ACVR1C: variants seen among roughly 807,000 people sequenced by gnomAD.
ACVR1C encodes activin A receptor type 1C, also known as activin receptor type-1C.
A neutral mutation model predicts 57.9 loss-of-function variants in ACVR1C; 23 were observed. The ratio of observed to expected loss-of-function variants is 0.40; its 90% confidence interval spans 0.29 to 0.56. ACVR1C has a LOEUF of 0.56. ACVR1C is among the 20% of genes least tolerant of loss of function. The pLI is 0.50. For synonymous variants in ACVR1C, 214 were observed against 215.3 expected, an observed-to-expected ratio of 0.99 and a Z score of 0.05; for missense variants, 480 against 607.9, an observed-to-expected ratio of 0.79 and a Z score of 2.21.
intron 1 of ACVR1C, among the ~76,000 whole-genome samples, chr2:157,593,879 A>T (rs1682008035): frequency 6.6e-6 from 1 of 152,222 alleles, no homozygotes; most frequent in Admixed American, 6.5e-5. Context: ...ATGAGCTTTC[A>T]ATAAAGATTC....
intron 2 of ACVR1C, among the ~76,000 whole-genome samples, chr2:157,577,986 T>C (rs1344981430): frequency 6.6e-6 from 1 of 152,212 alleles, no homozygotes; most frequent in Non-Finnish European, 1.5e-5. Flanking sequence ...CACTGCATCC[T>C]TGACTTCCTG....
chr2:157,540,400 G>A (rs1687596173), intron 7 of ACVR1C, among the ~76,000 whole-genome samples: 1 of 147,482 alleles, frequency 6.8e-6, no homozygotes, highest in Non-Finnish European at 1.5e-5. Context: ...CGCTCTTGTT[G>A]CCCAGGCTGG....
chr2:157,577,581 CTTTTG>C (rs1326214073), intron 2 of ACVR1C, among the ~76,000 whole-genome samples: 1 of 152,060 alleles, frequency 6.6e-6, no homozygotes, highest in Non-Finnish European at 1.5e-5. Context: ...TAAACTAACA[CTTTTG>C]TTTGTTTAAT....
chr2:157,618,033 A>T (rs1033214105), intron 1 of ACVR1C, among the ~76,000 whole-genome samples: 2 of 151,910 alleles, frequency 1.3e-5, no homozygotes, highest in Non-Finnish European at 2.9e-5. Context: ...ACAGATATAA[A>T]CTTTGATTTA....
At chr2:157,605,275 T>C (rs1682366830) in intron 1 of ACVR1C, among the ~76,000 whole-genome samples, 2 of 151,728 alleles carry the variant, frequency 1.3e-5, no homozygotes, top group Admixed American at 1.3e-4. Flanking sequence ...TACCACACTG[T>C]CTTAATTATT....
Position 157,621,340 on chromosome 2 carries a change from C to A in ACVR1C, c.73+7232G>T, listed in dbSNP as rs151207070. Among the ~76,000 whole-genome samples, 370 of 152,296 alleles carry A rather than the reference C, an allele frequency of 2.4e-3. 1 individual carries two copies. Among genetic ancestry groups the A allele is most frequent in the African/African-American group, 8.7e-3 (360 of 41,564 alleles). ...TGAATTCAAGGGGCACATCATGAGG[C>A]AATGGTAGCCCCTGAGAAGGAGCAA... On this transcript the variant is annotated intron_variant, in intron 1 of 8. Transcript: ENST00000243349.
At chr2:157,591,032 T>C (rs187505613) in intron 1 of ACVR1C, among the ~76,000 whole-genome samples, 5 of 152,130 alleles carry the variant, frequency 3.3e-5, no homozygotes, top group African/African-American at 9.6e-5. Flanking sequence ...TATAAAGACT[T>C]AGGGACTATC....
chr2:157,589,839 G>A (rs1276485222), intron 1 of ACVR1C, among the ~76,000 whole-genome samples: 1 of 151,884 alleles, frequency 6.6e-6, no homozygotes, highest in Non-Finnish European at 1.5e-5. Context: ...TAGACACATA[G>A]ACCAATGAAA....
chr2:157,580,217 G>A (rs1688757565), intron 2 of ACVR1C, among the ~76,000 whole-genome samples: 1 of 152,062 alleles, frequency 6.6e-6, no homozygotes, highest in Non-Finnish European at 1.5e-5. Flanking sequence ...TTTTATTTAT[G>A]TTATCTTTTA....
intron 3 of ACVR1C, among the ~76,000 whole-genome samples, chr2:157,555,617 G>T (rs1688082006): frequency 6.6e-6 from 1 of 152,150 alleles, no homozygotes; most frequent in Non-Finnish European, 1.5e-5. Flanking sequence ...CTCAGGGGGT[G>T]TCTATAGATT....
chr2:157,624,945 G>C (rs916431832), intron 1 of ACVR1C, among the ~76,000 whole-genome samples: 2 of 152,098 alleles, frequency 1.3e-5, no homozygotes, highest in East Asian at 3.8e-4. Context: ...ATACTAAAGA[G>C]GTATTCATTG....
intron 1 of ACVR1C, among the ~76,000 whole-genome samples, chr2:157,603,304 G>A (rs1356510308): frequency 1.3e-5 from 2 of 152,040 alleles, no homozygotes; most frequent in African/African-American, 4.8e-5. Flanking sequence ...TTGAGACAGG[G>A]TTACAACAGA....
chr2:157,627,915 T>C (rs1682932997), intron 1 of ACVR1C, among the ~76,000 whole-genome samples: 1 of 152,254 alleles, frequency 6.6e-6, no homozygotes. Context: ...CTATTTAGCC[T>C]ATCAAGGCAC....
intron 5 of ACVR1C, 44 bp downstream of exon 5, chr2:157,544,401 T>G (rs1330229351): frequency 6.5e-7 from 1 of 1,541,510 alleles, no homozygotes. Flanking sequence ...AGTACCTCTA[T>G]CCTCATATTC....
chr2:157,588,913 A>G (rs572998573), intron 1 of ACVR1C, among the ~76,000 whole-genome samples: 1 of 145,716 alleles, frequency 6.9e-6, no homozygotes, highest in Non-Finnish European at 1.5e-5. Context: ...GTACATGCTC[A>G]TACACACACA....
Position 157,532,829 on chromosome 2 carries a change from C to G in ACVR1C, c.*1089G>C, listed in dbSNP as rs1185686544. ...ATATTCTCAAAATATTTCCTTCCTT[C>G]CTCTTCCTTTTCTGTCTTTTCTTTC... On this transcript the variant is annotated 3_prime_UTR_variant, in exon 9 of 9. Transcript: ENST00000243349. 1 of 152,138 alleles carries G rather than the reference C, an allele frequency of 6.6e-6. No individual in the cohort carries two copies. Among genetic ancestry groups the G allele is most frequent in the Non-Finnish European group, 1.5e-5 (1 of 68,022 alleles). The allele number at this position is 152,138 out of a possible 1,614,324, so 9.4% of individuals were successfully genotyped here. A position where few individuals can be genotyped will look rare whatever the true frequency, so the allele number is the denominator to read the frequency against.
intron 1 of ACVR1C, among the ~76,000 whole-genome samples, chr2:157,623,007 G>C (rs1682816556): frequency 6.6e-6 from 1 of 152,042 alleles, no homozygotes; most frequent in Admixed American, 6.5e-5. Flanking sequence ...CACATGAAAA[G>C]GTGCTCAACA....
intron 2 of ACVR1C, among the ~76,000 whole-genome samples, chr2:157,579,055 T>C (rs1311597287): frequency 6.6e-6 from 1 of 152,226 alleles, no homozygotes; most frequent in East Asian, 1.9e-4. Context: ...AGGACTTCCC[T>C]TTGTCTTTGG....
At chr2:157,543,308 G>A (rs866729869) in intron 5 of ACVR1C, among the ~76,000 whole-genome samples, 20 of 152,116 alleles carry the variant, frequency 1.3e-4, no homozygotes, top group African/African-American at 4.1e-4. Flanking sequence ...TCTGTGTGAC[G>A]CCATCTTTTC....
Sources: gnomAD v4.1 joint callset for allele counts (sites outside exome capture counted in the v4.1 genomes callset) on GRCh38, gnomAD v4.1.1 for gene constraint, MANE v1.5 for transcripts, NCBI Gene and HGNC (gene_info 2026-07-23, HGNC 2026-07-21) for gene names.